The following UGDH variants were observed in gnomAD, a reference collection of about 807,000 sequenced individuals.
UGDH encodes the protein UDP-Glc dehydrogenase.
A neutral mutation model predicts 50.6 loss-of-function variants in UGDH; 38 were observed. The observed-to-expected ratio is 0.75, with a 90% CI of 0.58 to 0.98. UGDH has a LOEUF of 0.98. UGDH is among the 50% of genes least tolerant of loss of function. The probability of loss-of-function intolerance (pLI) is 0.00; values close to 1 mark genes in which losing one functional copy is unlikely to be tolerated. For missense variants in UGDH, 465 were observed against 606.2 expected (o/e 0.77, Z 2.45); for synonymous variants, 168 against 199.9 (o/e 0.84, Z 1.35).
chr4:39,512,091 G>A (rs1035513982), intron 3 of UGDH, among the ~76,000 whole-genome samples: 3 of 151,868 alleles, frequency 2.0e-5, no homozygotes, highest in Non-Finnish European at 2.9e-5. Flanking sequence ...TGTAACCTTG[G>A]AGAAGTGTGG....
chr4:39,523,693 A>G (rs1746761358), intron 1 of UGDH, among the ~76,000 whole-genome samples: 1 of 151,974 alleles, frequency 6.6e-6, no homozygotes, highest in Admixed American at 6.6e-5. Flanking sequence ...AATCCCAGCT[A>G]CTTGGGAGGC....
chr4:39,508,176 C>T (rs1284173866), intron 7 of UGDH, among the ~76,000 whole-genome samples: 1 of 152,040 alleles, frequency 6.6e-6, no homozygotes, highest in African/African-American at 2.4e-5. Flanking sequence ...ATTTCATGGA[C>T]AAAAAGTGAC....
chr4:39,512,004 A>G (rs111552610), intron 3 of UGDH, among the ~76,000 whole-genome samples: 179 of 147,308 alleles, frequency 1.2e-3, no homozygotes, highest in Non-Finnish European at 2.0e-3. Context: ...CACCTGGCCA[A>G]TGGGCGAAGA....
At chr4:39,513,033 C>A (rs1746301417) in intron 3 of UGDH, among the ~76,000 whole-genome samples, 1 of 152,096 alleles carries the variant, frequency 6.6e-6, no homozygotes, top group South Asian at 2.1e-4. Context: ...GTCTCAAATT[C>A]CTATGCTCAA....
intron 8 of UGDH, 77 bp downstream of exon 8, chr4:39,505,541 A>G: frequency 2.2e-6 from 3 of 1,383,212 alleles, no homozygotes; most frequent in Non-Finnish European, 2.9e-6. Flanking sequence ...TTTTATGTAC[A>G]CCTACCCCAA....
At chr4:39,503,780 T>C (rs537724082) in intron 11 of UGDH, 95 bp downstream of exon 11, 38 of 1,071,742 alleles carry the variant, frequency 3.5e-5, no homozygotes, top group Non-Finnish European at 5.0e-5. Context: ...TGATGGTCTT[T>C]TGATGTCAAC....
At chr4:39,501,553 G>A (rs1350704990) in intron 11 of UGDH, among the ~76,000 whole-genome samples, 3 of 152,284 alleles carry the variant, frequency 2.0e-5, no homozygotes, top group Admixed American at 1.3e-4. Flanking sequence ...GATTACAGGC[G>A]TGAGCCACCG....
chr4:39,513,110 T>A (rs1448411365), intron 3 of UGDH, among the ~76,000 whole-genome samples: 1 of 152,142 alleles, frequency 6.6e-6, no homozygotes, highest in East Asian at 1.9e-4. Context: ...GCCCAGCTCG[T>A]AAAGATCTTA....
At chr4:39,527,123 A>C (rs920274805) in intron 1 of UGDH, 160 bp downstream of exon 1, 3 of 1,288,852 alleles carry the variant, frequency 2.3e-6, no homozygotes, top group Non-Finnish European at 3.0e-6. Context: ...TCCCGCCCTA[A>C]GCCCCAAAGA....
At chr4:39,522,800 T>C (rs2109948316) in intron 1 of UGDH, among the ~76,000 whole-genome samples, 3 of 150,480 alleles carry the variant, frequency 2.0e-5, no homozygotes, top group Middle Eastern at 6.8e-3. Context: ...AGAGTCTTGC[T>C]CTGTCGCCAG....
intron 2 of UGDH, among the ~76,000 whole-genome samples, chr4:39,515,832 T>G (rs1413408630): frequency 2.0e-5 from 3 of 152,136 alleles, no homozygotes; most frequent in Admixed American, 1.3e-4. Context: ...CCCAAGCAGC[T>G]GGGATTACAG....
At chr4:39,508,688 T>A (rs1746119886) in intron 6 of UGDH, 28 bp from the exon 7 acceptor site, 1 of 1,573,478 alleles carries the variant, frequency 6.4e-7, no homozygotes, top group Non-Finnish European at 8.6e-7. Context: ...TGAACAATAT[T>A]TTCATGTAAG....
chr4:39,513,843 G>C (rs1308341628), intron 3 of UGDH, among the ~76,000 whole-genome samples: 2 of 152,124 alleles, frequency 1.3e-5, no homozygotes. Context: ...CCATTTCCTA[G>C]TTCTAAATCT....
intron 2 of UGDH, among the ~76,000 whole-genome samples, chr4:39,516,102 G>A (rs997811355): frequency 6.6e-6 from 1 of 152,030 alleles, no homozygotes; most frequent in Non-Finnish European, 1.5e-5. Context: ...GCAACATGGC[G>A]AAACCCCATT....
chr4:39,523,417 A>T (rs1746747901), intron 1 of UGDH, among the ~76,000 whole-genome samples: 1 of 152,214 alleles, frequency 6.6e-6, no homozygotes, highest in South Asian at 2.1e-4. Flanking sequence ...AATGGACAGA[A>T]TTTTGAATTA....
At chr4:39,507,701 C>A (rs1291417742) in intron 7 of UGDH, among the ~76,000 whole-genome samples, 3 of 152,042 alleles carry the variant, frequency 2.0e-5, no homozygotes, top group Non-Finnish European at 4.4e-5. Context: ...ATATTCCCAG[C>A]ACTTTGGGAG....
chr4:39,500,123 A>G lies in UGDH; in HGVS notation c.*20T>C. 1 of 1,439,838 alleles carries G rather than the reference A, an allele frequency of 6.9e-7. No homozygotes were observed. Among genetic ancestry groups the G allele is most frequent in the Non-Finnish European group, 9.4e-7 (1 of 1,059,546 alleles). The allele number at this position is 1,439,838 out of a possible 1,614,324, so 89.2% of individuals were successfully genotyped here. A position where few individuals can be genotyped will look rare whatever the true frequency, so the allele number is the denominator to read the frequency against. On this transcript the variant is annotated 3_prime_UTR_variant, in exon 12 of 12. Transcript: ENST00000316423. ...GTACCAAAAAAAAAAAAAAAAAATCACAAATAAAAATGGCAATCTCTACAC... is the reference window on the plus strand; with the variant it reads ...GTACCAAAAAAAAAAAAAAAAAATCGCAAATAAAAATGGCAATCTCTACAC...
intron 11 of UGDH, among the ~76,000 whole-genome samples, chr4:39,502,598 C>T (rs751924731): frequency 1.4e-4 from 22 of 152,248 alleles, no homozygotes; most frequent in South Asian, 4.1e-4. Flanking sequence ...ATCCTCCTAT[C>T]CCCATATACA....
intron 2 of UGDH, among the ~76,000 whole-genome samples, chr4:39,518,619 T>TA (rs71645106): frequency 0.014 from 1,972 of 136,872 alleles, 31 homozygotes; most frequent in African/African-American, 0.045. Flanking sequence ...GGTTGGCCTT[T>TA]AAAAAAAAAA....
Sources: allele counts gnomAD v4.1 joint callset (sites outside exome capture counted in the v4.1 genomes callset), GRCh38; gene constraint gnomAD v4.1.1; transcripts MANE v1.5; gene names NCBI Gene and HGNC (gene_info 2026-07-23, HGNC 2026-07-21).